The following SSBP2 variants were observed in gnomAD, a reference collection of about 807,000 sequenced individuals.
SSBP2 encodes the protein single-stranded DNA-binding protein 2.
A neutral mutation model predicts 61.8 loss-of-function variants in SSBP2; 17 were observed. The ratio of observed to expected loss-of-function variants is 0.28; its 90% CI spans 0.19 to 0.41. The LOEUF (loss-of-function observed/expected upper bound fraction) is 0.41. Among genes scored for constraint, SSBP2 ranks in the 10% least tolerant of loss-of-function variants. SSBP2 has a pLI of 1.00. For missense variants in SSBP2, 310 were observed against 458.7 expected (o/e 0.68, Z 2.96); for synonymous variants, 139 against 141.3 (o/e 0.98, Z 0.12).
chr5:81,421,347 C>A (rs1424700387), intron 16 of SSBP2, among the ~76,000 whole-genome samples: 2 of 152,126 alleles, frequency 1.3e-5, no homozygotes, highest in Non-Finnish European at 2.9e-5. Context: ...CACACGCCAC[C>A]ATGCATGGCT....
At chr5:81,513,280 C>G (rs1768757737) in intron 5 of SSBP2, among the ~76,000 whole-genome samples, 1 of 152,028 alleles carries the variant, frequency 6.6e-6, no homozygotes, top group South Asian at 2.1e-4. Flanking sequence ...ATCATCTTGT[C>G]TATGCTTGTA....
intron 4 of SSBP2, among the ~76,000 whole-genome samples, chr5:81,546,173 G>C (rs1211301503): frequency 6.6e-6 from 1 of 152,110 alleles, no homozygotes; most frequent in African/African-American, 2.4e-5. Flanking sequence ...TAATAGCAAT[G>C]AATAGGCATT....
chr5:81,421,488 C>T (rs1207503464), intron 16 of SSBP2, among the ~76,000 whole-genome samples: 3 of 152,252 alleles, frequency 2.0e-5, no homozygotes, highest in East Asian at 1.9e-4. Flanking sequence ...ACCCTGTGCT[C>T]GGCCTGTGAC....
chr5:81,750,649 G>C (rs914831762), intron 1 of SSBP2: 4 of 279,268 alleles, frequency 1.4e-5, no homozygotes, highest in Non-Finnish European at 2.7e-5. Context: ...CCGGACCCCA[G>C]CTCTAAAGTT....
At position 81,566,573 on chromosome 5, in the gene SSBP2, G is replaced by A. The variant is rs188144551; in HGVS notation, c.282+48900C>T. Among the ~76,000 whole-genome samples the A allele has an allele frequency of 4.1e-4, 62 of 152,266 alleles. No individual in the cohort carries two copies. The East Asian group carries it at 0.012, about 28-fold the overall frequency. On this transcript the variant is annotated intron_variant, in intron 4 of 16. Coordinates refer to ENST00000320672, the MANE Select transcript of SSBP2 (RefSeq NM_012446.5). Reference sequence around the variant, plus strand: ...TTGTAAATTGCCCAGTCTTGGGTACGTCTTTATCAGCAGCATGAAAACTAA... The same window carrying A: ...TTGTAAATTGCCCAGTCTTGGGTACATCTTTATCAGCAGCATGAAAACTAA...
chr5:81,718,392 G>A (rs1755317469), intron 1 of SSBP2, among the ~76,000 whole-genome samples: 1 of 152,088 alleles, frequency 6.6e-6, no homozygotes, highest in Non-Finnish European at 1.5e-5. Context: ...AGTGATAAGA[G>A]AAAGAAAACA....
chr5:81,427,904 A>G (rs1762052900), intron 16 of SSBP2, among the ~76,000 whole-genome samples: 1 of 152,206 alleles, frequency 6.6e-6, no homozygotes, highest in African/African-American at 2.4e-5. Context: ...TGGGGTTTCT[A>G]ATGTGAAATA....
At chr5:81,732,279 TATA>T (rs1280267769) in intron 1 of SSBP2, among the ~76,000 whole-genome samples, 1 of 152,226 alleles carries the variant, frequency 6.6e-6, no homozygotes, top group Non-Finnish European at 1.5e-5. Context: ...TTCCATGATC[TATA>T]ATATGAATAA....
intron 4 of SSBP2, among the ~76,000 whole-genome samples, chr5:81,584,530 G>C (rs898955447): frequency 2.6e-5 from 4 of 152,204 alleles, no homozygotes; most frequent in African/African-American, 9.6e-5. Flanking sequence ...TCTTATAAAA[G>C]TTGCTCTCCA....
chr5:81,499,614 C>T (rs1340065207), intron 5 of SSBP2, among the ~76,000 whole-genome samples: 1 of 152,102 alleles, frequency 6.6e-6, no homozygotes, highest in Non-Finnish European at 1.5e-5. Context: ...CCTCTGCTGC[C>T]TCCTACTACT....
chr5:81,659,116 T>C (rs2153735974), intron 1 of SSBP2, among the ~76,000 whole-genome samples: 1 of 152,310 alleles, frequency 6.6e-6, no homozygotes, highest in Non-Finnish European at 1.5e-5. Flanking sequence ...AAGACAAGGA[T>C]GCCCTCTCTC....
chr5:81,564,100 A>G (rs988309562), intron 4 of SSBP2, among the ~76,000 whole-genome samples: 2 of 152,222 alleles, frequency 1.3e-5, no homozygotes, highest in African/African-American at 2.4e-5. Context: ...CTGAATAGAC[A>G]TTTCTCCAAA....
intron 12 of SSBP2, among the ~76,000 whole-genome samples, chr5:81,445,138 T>TATATA (rs1453692261): frequency 0.042 from 1,416 of 33,846 alleles, 255 homozygotes; most frequent in African/African-American, 0.062. Flanking sequence ...AAAAAAAATT[T>TATATA]TATATATATA....
chr5:81,631,231 C>CCTA (rs1293547845), intron 3 of SSBP2, among the ~76,000 whole-genome samples: 4 of 152,270 alleles, frequency 2.6e-5, no homozygotes, highest in Admixed American at 6.5e-5. Flanking sequence ...CTGTTCCTGC[C>CCTA]CTACATATGT....
At chr5:81,540,181 T>C (rs1771150015) in intron 4 of SSBP2, among the ~76,000 whole-genome samples, 1 of 152,184 alleles carries the variant, frequency 6.6e-6, no homozygotes, top group African/African-American at 2.4e-5. Flanking sequence ...TTTGCTATTG[T>C]GAATGGTGCC....
chr5:81,448,830 A>C lies in SSBP2; in HGVS notation c.688-5T>G. 6.2e-7 allele frequency: 1 copy of C among 1,612,714 alleles called. No homozygotes were observed. The highest frequency in any genetic ancestry group is 8.5e-7 in the Non-Finnish European group (1 of 1,179,464). ...AGATGCTGAGGAGTATGGTATCTGGAACACGAATAGGACAAAAAAATTTTT... is the reference window on the plus strand; with the variant it reads ...AGATGCTGAGGAGTATGGTATCTGGCACACGAATAGGACAAAAAAATTTTT... On this transcript the variant is annotated splice_region_variant and splice_polypyrimidine_tract_variant and intron_variant, in intron 10 of 16. Coordinates refer to ENST00000320672, the MANE Select transcript of SSBP2 (RefSeq NM_012446.5).
intron 1 of SSBP2, among the ~76,000 whole-genome samples, chr5:81,668,238 T>C (rs938858765): frequency 9.8e-6 from 1 of 102,424 alleles, no homozygotes; most frequent in Non-Finnish European, 1.8e-5. Flanking sequence ...ATAGAGCTTA[T>C]ATGGAAGTTT....
intron 1 of SSBP2, among the ~76,000 whole-genome samples, chr5:81,735,810 GATAAA>G (rs1756562313): frequency 6.6e-6 from 1 of 152,070 alleles, no homozygotes; most frequent in South Asian, 2.1e-4. Flanking sequence ...TAAAATATTA[GATAAA>G]ATAGAACATC....
At chr5:81,511,288 T>C (rs1439024276) in intron 5 of SSBP2, among the ~76,000 whole-genome samples, 1 of 152,150 alleles carries the variant, frequency 6.6e-6, no homozygotes, top group Non-Finnish European at 1.5e-5. Flanking sequence ...TGGCCTCTTC[T>C]CTCATTCATC....
Sources: allele counts gnomAD v4.1 joint callset (sites outside exome capture counted in the v4.1 genomes callset), GRCh38; gene constraint gnomAD v4.1.1; transcripts MANE v1.5; gene names NCBI Gene and HGNC (gene_info 2026-07-23, HGNC 2026-07-21).